LRRC61: variants seen among roughly 807,000 people sequenced by gnomAD.
LRRC61 encodes leucine rich repeat containing 61, also known as leucine-rich repeat-containing protein 61.
A neutral mutation model predicts 15.1 loss-of-function variants in LRRC61; 9 were observed. The ratio of observed to expected loss-of-function variants is 0.60; its 90% CI spans 0.36 to 1.04. The LOEUF is 1.04. LRRC61 is among the 50% of genes least tolerant of loss of function. LRRC61 has a pLI of 0.01. For missense variants in LRRC61, 344 were observed against 335.6 expected (o/e 1.03, Z -0.20); for synonymous variants, 173 against 158.6 (o/e 1.09, Z -0.68).
intron 1 of LRRC61, among the ~76,000 whole-genome samples, chr7:150,324,120 C>T (rs969682370): frequency 6.6e-6 from 1 of 152,220 alleles, no homozygotes; most frequent in African/African-American, 2.4e-5. Context: ...ACACGTTCAT[C>T]TCCTCCTATC....
chr7:150,330,251 C>G lies in LRRC61; in HGVS notation c.-145+4241C>G, dbSNP rs970370018. ...TTGAGGAGCTCTTGGACCACTGGGT[C>G]TCGGCCTACCACCTGCTGGAGTGGC... On this transcript the variant is annotated intron_variant, in intron 2 of 2. Coordinates refer to ENST00000359623, the MANE Select transcript of LRRC61 (RefSeq NM_001142928.2). The surrounding 1 kb of genome is among the most constrained non-coding windows in gnomAD (Gnocchi z 4.6). The G allele has an allele frequency of 9.6e-6, 6 of 622,990 alleles. No homozygotes were observed. Among genetic ancestry groups the G allele is most frequent in the African/African-American group, 3.7e-5 (2 of 54,666 alleles). 38.6% of individuals were successfully genotyped at this position (622,990 alleles called of 1,614,324 possible). A position where few individuals can be genotyped will look rare whatever the true frequency, so the allele number is the denominator to read the frequency against.
chr7:150,325,150 A>T (rs1797915916), intron 1 of LRRC61, among the ~76,000 whole-genome samples: 1 of 152,172 alleles, frequency 6.6e-6, no homozygotes, highest in South Asian at 2.1e-4. Context: ...GGCGCTCTCC[A>T]TCATTCCTCC....
chr7:150,331,952 GGA>G (rs1044233383), intron 2 of LRRC61: 1 of 167,138 alleles, frequency 6.0e-6, no homozygotes, highest in Non-Finnish European at 1.5e-5. Context: ...CAGCTAGCTA[GGA>G]GAGCTGAGAC....
upstream of LRRC61, among the ~76,000 whole-genome samples, chr7:150,320,774 CA>C (rs1246087535): frequency 6.6e-6 from 1 of 152,030 alleles, no homozygotes; most frequent in East Asian, 1.9e-4. Flanking sequence ...AAAACAAAAA[CA>C]AAAACAAGAA....
Position 150,337,598 on chromosome 7 carries a change from A to G in LRRC61, c.737A>G (p.Gln246Arg). 6.4e-7 allele frequency: 1 copy of G among 1,562,802 alleles called. No individual in the cohort carries two copies. Residue 246 changes from glutamine (Q) to arginine (R), a missense_variant, in exon 3 of 3, where the codon CAG (glutamine) becomes CGG (arginine). Physicochemically the swap from Gln to Arg is conservative, Grantham distance 43. Transcript: ENST00000359623. ...QASDSLAQAE[Q>R]VLSSAGPTSS... ...AGCGACAGCCTGGCCCAGGCGGAGC[A>G]GGTACTCAGCTCTGCGGGCCCCACC...
the LRRC61 span, among the ~76,000 whole-genome samples, chr7:150,309,651 C>A: frequency 1.3e-5 from 2 of 152,198 alleles, no homozygotes; most frequent in East Asian, 3.8e-4. Context: ...GGCCACTAGA[C>A]CAAGAAATGC....
At position 150,336,081 on chromosome 7, in the gene LRRC61, C is replaced by A. The variant is rs1016250412; in HGVS notation, c.-144-637C>A. Reference sequence around the variant, plus strand: ...GTGTGCGACCTAGCCAGGCCACTTACCCCAGCCTTCCCTGTCCCTTCACTA... The same window carrying A: ...GTGTGCGACCTAGCCAGGCCACTTAACCCAGCCTTCCCTGTCCCTTCACTA... On this transcript the variant is annotated intron_variant, in intron 2 of 2. Transcript: ENST00000359623. Among the ~76,000 whole-genome samples the A allele has an allele frequency of 1.1e-4, 17 of 152,314 alleles. No individual in the cohort carries two copies. The East Asian group carries it at 3.1e-3, about 28-fold the overall frequency.
upstream of LRRC61, among the ~76,000 whole-genome samples, chr7:150,321,988 A>C (rs1026661354): frequency 1.3e-5 from 2 of 152,236 alleles, no homozygotes; most frequent in African/African-American, 4.8e-5. Context: ...AAAGAAGTTC[A>C]AGGTAGCCAG....
chr7:150,319,865 T>C (rs1430056660), upstream of LRRC61, among the ~76,000 whole-genome samples: 1 of 152,212 alleles, frequency 6.6e-6, no homozygotes, highest in East Asian at 1.9e-4. Context: ...GAGCCAGTCC[T>C]ATTTATCCTT....
rs1382821680 is a variant in LRRC61 at position 150,335,617 on chromosome 7, A to T, written c.-144-1101A>T. ...AGAGGGGAAAATGAAAAGTGTTGAT[A>T]TGTAAACTCAGTCACCGACACCCTG... On this transcript the variant is annotated intron_variant, in intron 2 of 2. Coordinates refer to ENST00000359623, the MANE Select transcript of LRRC61 (RefSeq NM_001142928.2). This position sits in a 1 kb window ranked among gnomAD's most constrained non-coding sequence, Gnocchi z 4.3. 2.0e-5 allele frequency among the ~76,000 whole-genome samples: 3 copies of T among 152,148 alleles called. No individual in the cohort carries two copies. The highest frequency in any genetic ancestry group is 4.8e-5 in the African/African-American group (2 of 41,412).
rs1262892321 is a variant in LRRC61 at position 150,333,137 on chromosome 7, C to A, written c.-144-3581C>A. On this transcript the variant is annotated intron_variant, in intron 2 of 2. Coordinates refer to ENST00000359623, the MANE Select transcript of LRRC61 (RefSeq NM_001142928.2). The surrounding 1 kb of genome is among the most constrained non-coding windows in gnomAD (Gnocchi z 4.3). Reference sequence around the variant, plus strand: ...CATGTTCTGGGAGAGGACTGGGAGGCCTAGAATGGTGAGGCAGCGAGGCTC... The same window carrying A: ...CATGTTCTGGGAGAGGACTGGGAGGACTAGAATGGTGAGGCAGCGAGGCTC... 6.6e-6 allele frequency among the ~76,000 whole-genome samples: 1 copy of A among 152,012 alleles called. No homozygotes were observed. Among genetic ancestry groups the A allele is most frequent in the East Asian group, 1.9e-4 (1 of 5,188 alleles).
chr7:150,309,571 A>G, the LRRC61 span, among the ~76,000 whole-genome samples: 27 of 152,184 alleles, frequency 1.8e-4, no homozygotes, highest in Non-Finnish European at 2.9e-4. Flanking sequence ...ACTTCAGAAC[A>G]ACCAAACCAC....
chr7:150,334,216 G>A, intron 2 of LRRC61: 2 of 675,964 alleles, frequency 3.0e-6, no homozygotes, highest in Non-Finnish European at 3.7e-6. Context: ...AACCTCTGCA[G>A]TCCCACTGTG....
chr7:150,322,099 C>T (rs896081317), upstream of LRRC61, among the ~76,000 whole-genome samples: 3 of 152,220 alleles, frequency 2.0e-5, no homozygotes, highest in African/African-American at 7.2e-5. Context: ...GGCTCCCACA[C>T]AATTTGTAGC....
upstream of LRRC61, chr7:150,323,338 C>T (rs553262165): frequency 4.2e-4 from 117 of 275,884 alleles, no homozygotes; most frequent in Admixed American, 6.4e-4. Flanking sequence ...TGGCCAGGCC[C>T]CCTGGGCGCG....
chr7:150,323,989 T>G (rs1797832569), intron 1 of LRRC61, among the ~76,000 whole-genome samples: 1 of 152,246 alleles, frequency 6.6e-6, no homozygotes, highest in African/African-American at 2.4e-5. Context: ...TTGCACAGTA[T>G]GAAACCTAAT....
At chr7:150,321,747 T>C (rs1391231660), upstream of LRRC61, among the ~76,000 whole-genome samples, 1 of 151,828 alleles carries the variant, frequency 6.6e-6, no homozygotes, top group Non-Finnish European at 1.5e-5. Flanking sequence ...CTCAAAAAAA[T>C]AAAAATAAAA....
chr7:150,331,112 C>T (rs1252752033), intron 2 of LRRC61: 25 of 1,607,514 alleles, frequency 1.6e-5, no homozygotes, highest in Non-Finnish European at 2.1e-5. Flanking sequence ...GGAGCCTTCT[C>T]TGAAAGCATC....
At position 150,330,279 on chromosome 7, in the gene LRRC61, G is replaced by A. The variant is rs1798064738; in HGVS notation, c.-145+4269G>A. 1 of 647,266 alleles carries A rather than the reference G, an allele frequency of 1.5e-6. No individual in the cohort carries two copies. The highest frequency in any genetic ancestry group is 2.4e-5 in the Admixed American group (1 of 41,194). 40.1% of individuals were successfully genotyped at this position (647,266 alleles called of 1,614,324 possible). On this transcript the variant is annotated intron_variant, in intron 2 of 2. Coordinates refer to ENST00000359623, the MANE Select transcript of LRRC61 (RefSeq NM_001142928.2). The surrounding 1 kb of genome is among the most constrained non-coding windows in gnomAD (Gnocchi z 4.6). ...GGCCTACCACCTGCTGGAGTGGCTGGTGGAGCAGCAGCAGCCCCTTCAAGA... is the reference window on the plus strand; with the variant it reads ...GGCCTACCACCTGCTGGAGTGGCTGATGGAGCAGCAGCAGCCCCTTCAAGA...
Sources: gnomAD v4.1 joint callset for allele counts (sites outside exome capture counted in the v4.1 genomes callset) on GRCh38, gnomAD v4.1.1 for gene constraint, Gnocchi (gnomAD v3.1) non-coding constraint, MANE v1.5 for transcripts, NCBI Gene and HGNC (gene_info 2026-07-23, HGNC 2026-07-21) for gene names.